Variants in GPRIN2 observed in about 807,000 individuals in gnomAD.
The protein encoded by GPRIN2 is G protein regulated inducer of neurite outgrowth 2, also known as G protein-regulated inducer of neurite outgrowth 2.
A neutral mutation model predicts 0.3 loss-of-function variants in GPRIN2; 1 was observed. The ratio of observed to expected loss-of-function variants is 3.90; its 90% confidence interval spans 1.39 to 18.51. The LOEUF is 18.51. Ranked by LOEUF, GPRIN2 falls within the 30% of genes most tolerant of loss-of-function variation. GPRIN2 has a pLI of 0.11. For missense variants in GPRIN2, 880 were observed against 604.2 expected, an observed-to-expected ratio of 1.46 and a Z score of -4.79; for synonymous variants, 361 against 258.6, an observed-to-expected ratio of 1.40 and a Z score of -3.80.
At position 46,542,600 on chromosome 10, in the gene GPRIN2, C is replaced by G. The variant is rs1169998548; in HGVS notation, c.*6760G>C. 2.0e-5 allele frequency among the ~76,000 whole-genome samples: 3 copies of G among 152,306 alleles called. No individual in the cohort carries two copies. Among genetic ancestry groups the G allele is most frequent in the Non-Finnish European group, 2.9e-5 (2 of 68,052 alleles). On this transcript the variant is annotated 3_prime_UTR_variant, in exon 3 of 3. Transcript: ENST00000374314. Reference sequence around the variant, plus strand: ...GTAAGTTTCCTGAGGCTCCCCGGGCCACGTGGAACTGTGAGTCAATTAAAC... The same window carrying G: ...GTAAGTTTCCTGAGGCTCCCCGGGCGACGTGGAACTGTGAGTCAATTAAAC...
Position 46,548,757 on chromosome 10 carries a change from C to T in GPRIN2, c.*603G>A, listed in dbSNP as rs1832785576. Reference sequence around the variant, plus strand: ...AGGGCAACACCCACGGCTCAGCTGGCCCTGGCTTTGGATCTCAGTCCCACC... The same window carrying T: ...AGGGCAACACCCACGGCTCAGCTGGTCCTGGCTTTGGATCTCAGTCCCACC... On this transcript the variant is annotated 3_prime_UTR_variant, in exon 3 of 3. Transcript: ENST00000374314. Among the ~76,000 whole-genome samples the T allele has an allele frequency of 6.6e-6, 1 of 152,310 alleles. No individual in the cohort carries two copies. The highest frequency in any genetic ancestry group is 1.9e-4 in the East Asian group (1 of 5,208).
At chr10:46,551,240 A>G (rs1842567715) in intron 2 of GPRIN2, among the ~76,000 whole-genome samples, 1 of 152,308 alleles carries the variant, frequency 6.6e-6, no homozygotes, top group African/African-American at 2.4e-5. Flanking sequence ...GGCAGTATCC[A>G]ACTCACTGTG....
At position 46,549,042 on chromosome 10, in the gene GPRIN2, G is replaced by A. The variant is rs1381926711; in HGVS notation, c.*318C>T. 4 of 393,732 alleles carry A rather than the reference G, an allele frequency of 1.0e-5. No homozygotes were observed. Among genetic ancestry groups the A allele is most frequent in the African/African-American group, 2.1e-5 (1 of 48,192 alleles). 24.4% of individuals were successfully genotyped at this position (393,732 alleles called of 1,614,324 possible). A position where few individuals can be genotyped will look rare whatever the true frequency, so the allele number is the denominator to read the frequency against. ...CGAGGCAACATGGCAGAGTTCTGAG[G>A]GTGGAGTGAACAAAAGGTCATTTTT... is the stretch of plus-strand genomic sequence containing the variant. On this transcript the variant is annotated 3_prime_UTR_variant, in exon 3 of 3. Coordinates refer to ENST00000374314, the MANE Select transcript of GPRIN2 (RefSeq NM_001385282.1).
At position 46,544,494 on chromosome 10, in the gene GPRIN2, T is replaced by C. The variant is rs573685789; in HGVS notation, c.*4866A>G. Among the ~76,000 whole-genome samples, 2 of 152,306 alleles carry C rather than the reference T, an allele frequency of 1.3e-5. No homozygotes were observed. The highest frequency in any genetic ancestry group is 4.8e-5 in the African/African-American group (2 of 41,484). On this transcript the variant is annotated 3_prime_UTR_variant, in exon 3 of 3. Transcript: ENST00000374314. ...GCACACCACCATGCCCAGCTAATTT[T>C]TGTATTTTTTGTAGAGATGGGATTT...
Position 46,550,739 on chromosome 10 carries a change from C to A in GPRIN2, c.-3G>T, listed in dbSNP as rs1832258425. 7.3e-6 allele frequency: 11 copies of A among 1,506,406 alleles called. No individual in the cohort carries two copies. Among genetic ancestry groups the A allele is most frequent in the South Asian group, 1.4e-5 (1 of 72,602 alleles). 93.3% of individuals were successfully genotyped at this position (1,506,406 alleles called of 1,614,324 possible). A position where few individuals can be genotyped will look rare whatever the true frequency, so the allele number is the denominator to read the frequency against. ...GGCTCGGGGCGGCTGGAGCTCATGG[C>A]TGCCTGCAGAAGAGAGAAAGGGAGG... On this transcript the variant is annotated 5_prime_UTR_variant, in exon 3 of 3. Coordinates refer to ENST00000374314, the MANE Select transcript of GPRIN2 (RefSeq NM_001385282.1).
Position 46,544,077 on chromosome 10 carries a change from A to G in GPRIN2, c.*5283T>C, listed in dbSNP as rs1401096160. On this transcript the variant is annotated 3_prime_UTR_variant, in exon 3 of 3. Coordinates refer to ENST00000374314, the MANE Select transcript of GPRIN2 (RefSeq NM_001385282.1). ...CTCTCAATCAGGGAGGTCCCCAGCC[A>G]GCTTTGGAAAGACACCCATCAAAAA... Among the ~76,000 whole-genome samples, 1 of 152,304 alleles carries G rather than the reference A, an allele frequency of 6.6e-6. No individual in the cohort carries two copies. The highest frequency in any genetic ancestry group is 1.5e-5 in the Non-Finnish European group (1 of 68,054).
Position 46,549,731 on chromosome 10 carries a change from C to A in GPRIN2, c.1006G>T (p.Gly336Cys). Reference protein sequence around the residue: ...EASPLSAQDAGVQAAPVAACK... With the variant: ...EASPLSAQDACVQAAPVAACK... ...GCCGCCACTGGGGCCGCCTGCACAC[C>A]AGCATCCTGGGCTGACAGCGGGGAT... Residue 336 changes from glycine (G) to cysteine (C), a missense_variant, in exon 3 of 3, where the codon GGT (glycine) becomes TGT (cysteine). Coordinates refer to ENST00000374314, the MANE Select transcript of GPRIN2 (RefSeq NM_001385282.1). 1 of 1,614,166 alleles carries A rather than the reference C, an allele frequency of 6.2e-7. No individual in the cohort carries two copies. Among genetic ancestry groups the A allele is most frequent in the Non-Finnish European group, 8.5e-7 (1 of 1,179,980 alleles).
At chr10:46,550,809 T>C in intron 2 of GPRIN2, 67 bp from the exon 3 acceptor site, 1 of 1,467,540 alleles carries the variant, frequency 6.8e-7, no homozygotes, top group African/African-American at 1.4e-5. Context: ...GATTCTACTA[T>C]GAACTCCCAC....
Position 46,547,402 on chromosome 10 carries a change from C to T in GPRIN2, c.*1958G>A, listed in dbSNP as rs949993977. ...TTAAAGTTCCTTTCCTCATTTACAT[C>T]AGGATCTTCACAATGGGGACCCCTG... On this transcript the variant is annotated 3_prime_UTR_variant, in exon 3 of 3. Transcript: ENST00000374314. Among the ~76,000 whole-genome samples the T allele has an allele frequency of 6.6e-6, 1 of 152,310 alleles. No individual in the cohort carries two copies. Among genetic ancestry groups the T allele is most frequent in the African/African-American group, 2.4e-5 (1 of 41,488 alleles).
intron 2 of GPRIN2, among the ~76,000 whole-genome samples, chr10:46,554,139 G>A (rs1842911542): frequency 6.6e-6 from 1 of 152,310 alleles, no homozygotes; most frequent in Non-Finnish European, 1.5e-5. Context: ...TGCACTGTCT[G>A]CAATAGTGTT....
rs1555018212 is a variant in GPRIN2 at position 46,549,835 on chromosome 10, C to T, written c.902G>A (p.Gly301Glu). The part of the protein sequence containing the change: ...HCCAHLWGPA[G>E]LVPEPGSRTK... ...CCTAGAGCCAGGCTCTGGGACTAAC[C>T]CAGCGGGACCCCAAAGGTGGGCACA... is the stretch of plus-strand genomic sequence containing the variant. Residue 301 changes from glycine (G) to glutamate (E), a missense_variant, in exon 3 of 3, where the codon GGG becomes GAG. Physicochemically the swap from Gly to Glu is moderately conservative, Grantham distance 98 (BLOSUM62 -2). Coordinates refer to ENST00000374314, the MANE Select transcript of GPRIN2 (RefSeq NM_001385282.1). The T allele has an allele frequency of 6.2e-7, 1 of 1,614,120 alleles. No individual in the cohort carries two copies. The highest frequency in any genetic ancestry group is 1.3e-5 in the African/African-American group (1 of 74,968).
rs936376956 is a variant in GPRIN2, at chr10:46,548,117, T to A, written c.*1243A>T. On this transcript the variant is annotated 3_prime_UTR_variant, in exon 3 of 3. Transcript: ENST00000374314. ...CTAGCCCTCTGGTCCCTCACACGGG[T>A]GGATTGGGGGGCTGTGTCACGGGAT... is the stretch of plus-strand genomic sequence containing the variant. Among the ~76,000 whole-genome samples, 1 of 152,308 alleles carries A rather than the reference T, an allele frequency of 6.6e-6. No individual in the cohort carries two copies. The highest frequency in any genetic ancestry group is 2.4e-5 in the African/African-American group (1 of 41,484).
rs1841806581 is a variant in GPRIN2 at position 46,542,060 on chromosome 10, G to A, written c.*7300C>T. The stretch of plus-strand genomic sequence containing the variant: ...GAGTTTTCCTCAAGAGTTGCAGGCT[G>A]GGCTTACAAAAGCCACAAAGCTTGT... On this transcript the variant is annotated 3_prime_UTR_variant, in exon 3 of 3. Coordinates refer to ENST00000374314, the MANE Select transcript of GPRIN2 (RefSeq NM_001385282.1). 6.6e-6 allele frequency among the ~76,000 whole-genome samples: 1 copy of A among 152,308 alleles called. No individual in the cohort carries two copies. The highest frequency in any genetic ancestry group is 2.4e-5 in the African/African-American group (1 of 41,488).
rs1489660699 is a variant in GPRIN2 at position 46,549,649 on chromosome 10, A to G, written c.1088T>C (p.Phe363Ser). The G allele has an allele frequency of 6.2e-7, 1 of 1,614,246 alleles. No individual in the cohort carries two copies. Among genetic ancestry groups the G allele is most frequent in the African/African-American group, 1.3e-5 (1 of 75,088 alleles). The change falls in exon 3 of 3, where the codon TTC becomes TCC. Residue 363 changes from phenylalanine to serine, a missense_variant. Phe to Ser is a radical substitution (Grantham distance 155). Coordinates refer to ENST00000374314, the MANE Select transcript of GPRIN2 (RefSeq NM_001385282.1). Reference protein sequence around the residue: ...SLEAPAALHVFPEVTLGSSLE... With the variant: ...SLEAPAALHVSPEVTLGSSLE... ...GCTGGACCCCAGAGTTACCTCTGGGAACACATGCAGGGCTGCAGGCGCTTC... is the reference window on the plus strand; with the variant it reads ...GCTGGACCCCAGAGTTACCTCTGGGGACACATGCAGGGCTGCAGGCGCTTC...
chr10:46,541,860 T>C lies in GPRIN2; in HGVS notation c.*7500A>G, dbSNP rs1222178108. On this transcript the variant is annotated 3_prime_UTR_variant, in exon 3 of 3. Transcript: ENST00000374314. ...CAGCATCCGACTTCCTGCCCAGCTG[T>C]CCTACGGTATCCCAGGTGCCAGCCC... 6.6e-6 allele frequency among the ~76,000 whole-genome samples: 1 copy of C among 152,302 alleles called. No homozygotes were observed. Among genetic ancestry groups the C allele is most frequent in the African/African-American group, 2.4e-5 (1 of 41,488 alleles).
rs2131589857 is a variant in GPRIN2 at position 46,550,589 on chromosome 10, C to T, written c.148G>A (p.Ala50Thr). 1.3e-6 allele frequency: 2 copies of T among 1,584,950 alleles called. No individual in the cohort carries two copies. The highest frequency in any genetic ancestry group is 1.7e-6 in the Non-Finnish European group (2 of 1,165,918). ...CTGGTGCTGGCCTCGCCCAGCTGGG[C>T]CTGCCACACGGTGCTGCTGGCAGTC... ...RKTASSTVWQ[A>T]QLGEASTRPQ... The change falls in exon 3 of 3, where the codon GCC (alanine) becomes ACC (threonine). Residue 50 changes from alanine to threonine, a missense_variant. Ala to Thr is a moderately conservative substitution (Grantham distance 58). Transcript: ENST00000374314.
chr10:46,548,046 A>G lies in GPRIN2; in HGVS notation c.*1314T>C, dbSNP rs111842912. On this transcript the variant is annotated 3_prime_UTR_variant, in exon 3 of 3. Transcript: ENST00000374314. ...GTGGGGGTCCTGGGCTCCTAGGTGC[A>G]GAAGAGGCTCCAGAAACAGGCCAGG... Among the ~76,000 whole-genome samples the G allele has an allele frequency of 6.6e-6, 1 of 152,424 alleles. No individual in the cohort carries two copies. The highest frequency in any genetic ancestry group is 2.4e-5 in the African/African-American group (1 of 41,606).
chr10:46,553,197 C>T (rs1197515069), intron 2 of GPRIN2, among the ~76,000 whole-genome samples: 9 of 152,312 alleles, frequency 5.9e-5, no homozygotes, highest in Non-Finnish European at 1.2e-4. Flanking sequence ...CCTTCGAGCA[C>T]TGAGCAGGCC....
Position 46,549,513 on chromosome 10 carries a change from C to G in GPRIN2, c.1224G>C (p.Gln408His), listed in dbSNP as rs1832694259. Residue 408 changes from glutamine (Q) to histidine (H), a missense_variant, in exon 3 of 3, where the codon CAG becomes CAC. Gln to His is a conservative substitution (Grantham distance 24). Coordinates refer to ENST00000374314, the MANE Select transcript of GPRIN2 (RefSeq NM_001385282.1). ...VDLEVLGVAIQKHLEMQFEQL... is the reference protein window; with the variant it reads ...VDLEVLGVAIHKHLEMQFEQL... ...GCTCAAACTGCATCTCCAGGTGCTT[C>G]TGGATGGCCACACCGAGCACCTCCA... 3 of 1,612,964 alleles carry G rather than the reference C, an allele frequency of 1.9e-6. No individual in the cohort carries two copies. The highest frequency in any genetic ancestry group is 2.5e-6 in the Non-Finnish European group (3 of 1,179,224).
Sources: allele counts gnomAD v4.1 joint callset (sites outside exome capture counted in the v4.1 genomes callset), GRCh38; gene constraint gnomAD v4.1.1; transcripts MANE v1.5; gene names NCBI Gene and HGNC (gene_info 2026-07-23, HGNC 2026-07-21).